The following RFX3 variants were observed in gnomAD, a reference collection of about 807,000 sequenced individuals.
The protein encoded by RFX3 is regulatory factor X3.
A neutral mutation model predicts 98.6 loss-of-function variants in RFX3; 14 were observed. That is an observed-to-expected ratio of 0.14 (90% CI 0.09 to 0.22). The LOEUF is 0.22. Ranked by LOEUF, RFX3 falls within the 10% of genes least tolerant of loss-of-function variation. The probability of loss-of-function intolerance (pLI) is 1.00; values close to 1 mark genes in which losing one functional copy is unlikely to be tolerated. For synonymous variants in RFX3, 383 were observed against 328.4 expected (o/e 1.17, Z -1.80); for missense variants, 639 against 926.9 (o/e 0.69, Z 4.03).
chr9:3,410,888 A>C (rs12345263), intron 1 of RFX3, among the ~76,000 whole-genome samples: 8,080 of 152,244 alleles, frequency 0.053, 709 homozygotes, highest in African/African-American at 0.18. Context: ...TTACTAGCTC[A>C]TAAGTTACCC....
At chr9:3,282,029 G>C (rs1825977993) in intron 7 of RFX3, among the ~76,000 whole-genome samples, 1 of 151,728 alleles carries the variant, frequency 6.6e-6, no homozygotes. Flanking sequence ...ATTATGTTTT[G>C]TAATTCCAGA....
intron 1 of RFX3, among the ~76,000 whole-genome samples, chr9:3,467,149 A>G (rs1472125750): frequency 1.0e-5 from 1 of 97,666 alleles, no homozygotes; most frequent in Non-Finnish European, 1.8e-5. Context: ...TATATACATA[A>G]TATATATGTA....
Position 3,383,229 on chromosome 9 carries a change from G to A in RFX3, c.117+12243C>T, listed in dbSNP as rs371081757. On this transcript the variant is annotated intron_variant, in intron 2 of 16. Coordinates refer to ENST00000617270, the MANE Select transcript of RFX3 (RefSeq NM_001282116.2). ...GTCTGAGTTTAGGTAGGGCATAGGAGGTTCAAGGATCACTTTTTTAAATTT... is the reference window on the plus strand; with the variant it reads ...GTCTGAGTTTAGGTAGGGCATAGGAAGTTCAAGGATCACTTTTTTAAATTT... Among the ~76,000 whole-genome samples, 109 of 152,090 alleles carry A rather than the reference G, an allele frequency of 7.2e-4. 1 individual carries two copies. The South Asian group carries it at 0.022, about 31-fold the overall frequency.
chr9:3,249,040 G>C (rs558727819), intron 14 of RFX3, among the ~76,000 whole-genome samples: 1 of 152,212 alleles, frequency 6.6e-6, no homozygotes, highest in South Asian at 2.1e-4. Flanking sequence ...GTGTGTGTGT[G>C]AGTGTGTGTA....
intron 1 of RFX3, among the ~76,000 whole-genome samples, chr9:3,401,072 T>A (rs558647633): frequency 2.2e-4 from 33 of 152,290 alleles, no homozygotes; most frequent in African/African-American, 7.2e-4. Flanking sequence ...TGATTTACAC[T>A]TCCAACAACA....
At chr9:3,477,621 T>C (rs1200689342) in intron 1 of RFX3, among the ~76,000 whole-genome samples, 1 of 152,352 alleles carries the variant, frequency 6.6e-6, no homozygotes, top group East Asian at 1.9e-4. Context: ...ATGATGGGTC[T>C]AGGTATGGAT....
chr9:3,362,479 T>C (rs1283706869), intron 2 of RFX3, among the ~76,000 whole-genome samples: 2 of 152,234 alleles, frequency 1.3e-5, no homozygotes, highest in South Asian at 2.1e-4. Flanking sequence ...TTTCTTTCAT[T>C]AGACTTTAAC....
At chr9:3,488,790 T>A in intron 1 of RFX3, 4 of 985,334 alleles carry the variant, frequency 4.1e-6, no homozygotes, top group Non-Finnish European at 4.8e-6. Context: ...AACCACAAGT[T>A]TGAAATGGAG....
chr9:3,488,012 A>G (rs1850416989), intron 1 of RFX3, among the ~76,000 whole-genome samples: 2 of 152,158 alleles, frequency 1.3e-5, no homozygotes, highest in South Asian at 4.1e-4. Context: ...CCTATTGAAA[A>G]TATGAGGCGT....
chr9:3,288,543 C>A (rs966750539), intron 6 of RFX3, among the ~76,000 whole-genome samples: 1 of 151,946 alleles, frequency 6.6e-6, no homozygotes, highest in African/African-American at 2.4e-5. Flanking sequence ...AAATTACATT[C>A]CATTTTCAAA....
At chr9:3,434,894 C>T (rs1844978407) in intron 1 of RFX3, among the ~76,000 whole-genome samples, 1 of 152,028 alleles carries the variant, frequency 6.6e-6, no homozygotes, top group Non-Finnish European at 1.5e-5. Context: ...TATTATACAC[C>T]TAGGCTATAT....
At chr9:3,253,673 G>A (rs1211915356) in intron 14 of RFX3, among the ~76,000 whole-genome samples, 4 of 151,890 alleles carry the variant, frequency 2.6e-5, no homozygotes, top group Admixed American at 6.6e-5. Flanking sequence ...TATGATTCTC[G>A]GCAAGTTCAT....
intron 3 of RFX3, among the ~76,000 whole-genome samples, chr9:3,337,518 C>T (rs979826181): frequency 1.3e-5 from 2 of 152,188 alleles, no homozygotes; most frequent in Non-Finnish European, 2.9e-5. Context: ...GAGCTAGGGG[C>T]ACAAAGCAAT....
chr9:3,415,097 C>T (rs1239336783), intron 1 of RFX3, among the ~76,000 whole-genome samples: 16 of 85,908 alleles, frequency 1.9e-4, no homozygotes, highest in Admixed American at 1.8e-3. Flanking sequence ...TATATATACT[C>T]ATATATAAGT....
At chr9:3,379,167 T>C (rs2131668938) in intron 2 of RFX3, among the ~76,000 whole-genome samples, 1 of 152,296 alleles carries the variant, frequency 6.6e-6, no homozygotes, top group South Asian at 2.1e-4. Context: ...ATCATCAATG[T>C]ACATTACAGT....
intron 1 of RFX3, among the ~76,000 whole-genome samples, chr9:3,397,829 A>G (rs1393859726): frequency 6.6e-6 from 1 of 152,232 alleles, no homozygotes; most frequent in Admixed American, 6.5e-5. Flanking sequence ...AGTGCTTGAT[A>G]TATTTATTAA....
chr9:3,394,448 G>A (rs1368386076), intron 2 of RFX3, among the ~76,000 whole-genome samples: 52 of 152,176 alleles, frequency 3.4e-4, no homozygotes, highest in Admixed American at 3.1e-3. Flanking sequence ...GGGAGACAGC[G>A]AGACTCCCGT....
chr9:3,458,012 C>T (rs1264193530), intron 1 of RFX3, among the ~76,000 whole-genome samples: 2 of 152,076 alleles, frequency 1.3e-5, no homozygotes, highest in Non-Finnish European at 2.9e-5. Context: ...AAGGAAATGA[C>T]ATCTGAGTTG....
chr9:3,439,366 G>C (rs545573857), intron 1 of RFX3, among the ~76,000 whole-genome samples: 6 of 151,810 alleles, frequency 4.0e-5, no homozygotes, highest in Non-Finnish European at 7.4e-5. Context: ...AAAAAAATCA[G>C]TGAAAACAAA....
Sources: allele counts gnomAD v4.1 joint callset (sites outside exome capture counted in the v4.1 genomes callset), GRCh38; gene constraint gnomAD v4.1.1; transcripts MANE v1.5; gene names NCBI Gene and HGNC (gene_info 2026-07-23, HGNC 2026-07-21).